Variants in NEK5 observed in about 807,000 individuals in gnomAD.
The protein encoded by NEK5 is serine/threonine-protein kinase Nek5.
NEK5 carries 88 observed loss-of-function variants against 109.2 expected under a neutral mutation model. The observed-to-expected ratio is 0.81, with a 90% CI of 0.68 to 0.96. The LOEUF is 0.96. Among genes scored for constraint, NEK5 ranks in the 40% least tolerant of loss-of-function variants. The pLI is 0.00. For missense variants in NEK5, 834 were observed against 920.7 expected (o/e 0.91, Z 1.22); for synonymous variants, 283 against 299.9 (o/e 0.94, Z 0.58).
Position 52,067,589 on chromosome 13 carries a change from T to G in NEK5, c.1850-1980A>C, listed in dbSNP as rs578039369. ...TTCCTTTCCTTTTTGGGGCATACTT[T>G]GGACTGTGAGCCAAGCCTCTGTGAA... On this transcript the variant is annotated intron_variant, in intron 20 of 23. Transcript: ENST00000684899. Among the ~76,000 whole-genome samples, 10 of 152,212 alleles carry G rather than the reference T, an allele frequency of 6.6e-5. No individual in the cohort carries two copies. In the South Asian group the frequency reaches 1.9e-3, roughly 28 times the overall value.
chr13:52,074,118 GA>G (rs367581982), intron 19 of NEK5, among the ~76,000 whole-genome samples: 7 of 146,970 alleles, frequency 4.8e-5, no homozygotes, highest in South Asian at 2.2e-4. Context: ...CAGGATTGGA[GA>G]AAAAAAAAAC....
At chr13:52,046,716 C>CG (rs1954462903) in intron 23 of NEK5, among the ~76,000 whole-genome samples, 4 of 150,626 alleles carry the variant, frequency 2.7e-5, no homozygotes, top group Admixed American at 2.6e-4. Context: ...GGGTGATAGA[C>CG]GGACACCCTG....
Position 52,036,056 on chromosome 13 carries a change from AAAATTAAG to A in NEK5, c.*884_*891del, listed in dbSNP as rs1954359111. ...AGTATGAAATTGAACTCACTAGGCT[AAAATTAAG>A]TTGTTGGCAGGGCTGTGTTCCTTCT... On this transcript the variant is annotated 3_prime_UTR_variant, in exon 24 of 24. Transcript: ENST00000684899. 3.3e-5 allele frequency: 5 copies of A among 152,322 alleles called. No homozygotes were observed. The South Asian group carries it at 1.0e-3, about 32-fold the overall frequency. 9.4% of individuals were successfully genotyped at this position (152,322 alleles called of 1,614,324 possible).
intron 3 of NEK5, among the ~76,000 whole-genome samples, chr13:52,124,779 T>C (rs1162227863): frequency 6.6e-6 from 1 of 152,210 alleles, no homozygotes; most frequent in African/African-American, 2.4e-5. Context: ...ATACAAACGT[T>C]TTCTATTTTT....
At chr13:52,093,331 G>A (rs1231185095) in intron 12 of NEK5, 96 bp from the exon 13 acceptor site, 28 of 835,998 alleles carry the variant, frequency 3.3e-5, no homozygotes, top group Non-Finnish European at 4.7e-5. Flanking sequence ...AGGCTGAGGC[G>A]GGTGGATCAC....
chr13:52,071,404 C>T, intron 20 of NEK5, among the ~76,000 whole-genome samples: 1 of 152,226 alleles, frequency 6.6e-6, no homozygotes, highest in East Asian at 1.9e-4. Context: ...AAACTTCCCT[C>T]TAGCCCCTGC....
chr13:52,044,932 G>A (rs1446123067), intron 23 of NEK5, among the ~76,000 whole-genome samples: 1 of 152,014 alleles, frequency 6.6e-6, no homozygotes, highest in Admixed American at 6.6e-5. Context: ...TGATTCTAAT[G>A]TCCATATGGA....
chr13:52,087,017 G>A lies in NEK5; in HGVS notation c.1392+321C>T, dbSNP rs180813199. Among the ~76,000 whole-genome samples the A allele has an allele frequency of 2.1e-3, 324 of 152,272 alleles. 2 individuals carry two copies. Among genetic ancestry groups the A allele is most frequent in the African/African-American group, 7.2e-3 (299 of 41,550 alleles). On this transcript the variant is annotated intron_variant, in intron 15 of 23. Coordinates refer to ENST00000684899, the MANE Select transcript of NEK5 (RefSeq NM_001365552.1). ...TTTCTATTTCCACTCTTCCAGAATTGTGAGACAATACATTTCTATTGTGTT... is the reference window on the plus strand; with the variant it reads ...TTTCTATTTCCACTCTTCCAGAATTATGAGACAATACATTTCTATTGTGTT...
At chr13:52,045,130 C>CTT (rs374051509) in intron 23 of NEK5, among the ~76,000 whole-genome samples, 2,936 of 108,708 alleles carry the variant, frequency 0.027, 195 homozygotes, top group Admixed American at 0.071. Flanking sequence ...AATAAAAAAT[C>CTT]TTTTTTTTTT....
intron 22 of NEK5, among the ~76,000 whole-genome samples, chr13:52,059,768 C>G: frequency 6.7e-6 from 1 of 148,598 alleles, no homozygotes; most frequent in South Asian, 2.1e-4. Flanking sequence ...AACACATGGA[C>G]ACAGGAAGGG....
intron 23 of NEK5, among the ~76,000 whole-genome samples, chr13:52,049,582 C>T (rs1954486615): frequency 6.6e-6 from 1 of 151,714 alleles, no homozygotes; most frequent in South Asian, 2.1e-4. Flanking sequence ...CAGGGGTGTC[C>T]AATCTTTTGG....
Position 52,071,945 on chromosome 13 carries a change from T to G in NEK5, c.1848A>C (p.Ala616=). 6.2e-7 allele frequency: 1 copy of G among 1,613,264 alleles called. No homozygotes were observed. The highest frequency in any genetic ancestry group is 8.5e-7 in the Non-Finnish European group (1 of 1,179,440). ...KAFEKLHCPE[A]GFSTQTVAAV... The stretch of plus-strand genomic sequence containing the variant: ...TTACAACTTTCAAGAAACACATACC[T>G]GCTTCTGGGCAGTGAAGTTTTTCAA... Residue 616 remains alanine (A), a splice_region_variant and synonymous_variant, in exon 20 of 24, where the codon GCA becomes GCC. Coordinates refer to ENST00000684899, the MANE Select transcript of NEK5 (RefSeq NM_001365552.1).
At chr13:52,056,443 G>A (rs1160350014) in intron 22 of NEK5, among the ~76,000 whole-genome samples, 26 of 150,064 alleles carry the variant, frequency 1.7e-4, no homozygotes, top group African/African-American at 3.9e-4. Flanking sequence ...TGCACCAAGC[G>A]GACCTAATAG....
chr13:52,068,220 G>A (rs373989775), intron 20 of NEK5, among the ~76,000 whole-genome samples: 58 of 152,066 alleles, frequency 3.8e-4, no homozygotes, highest in African/African-American at 1.3e-3. Context: ...TTAAATTTTC[G>A]GTCCAAACTC....
rs541123282 is a variant in NEK5 at position 52,121,903 on chromosome 13, G to C, written c.118-2488C>G. 2.7e-5 allele frequency among the ~76,000 whole-genome samples: 4 copies of C among 150,796 alleles called. No individual in the cohort carries two copies. The South Asian group carries it at 8.4e-4, about 32-fold the overall frequency. Reference sequence around the variant, plus strand: ...ATGTAATTATCTGAAAATAGAAAAAGAGTTAAATAAATTACAGGGGTGTTT... The same window carrying C: ...ATGTAATTATCTGAAAATAGAAAAACAGTTAAATAAATTACAGGGGTGTTT... On this transcript the variant is annotated intron_variant, in intron 3 of 23. Coordinates refer to ENST00000684899, the MANE Select transcript of NEK5 (RefSeq NM_001365552.1).
chr13:52,067,560 C>G (rs1954710011), intron 20 of NEK5, among the ~76,000 whole-genome samples: 1 of 152,152 alleles, frequency 6.6e-6, no homozygotes, highest in Non-Finnish European at 1.5e-5. Flanking sequence ...CCCCAGTGAG[C>G]ACATTCCTTT....
rs1211842415 is a variant in NEK5 at position 52,035,869 on chromosome 13, A to G, written c.*1079T>C. The stretch of plus-strand genomic sequence containing the variant: ...GTCAACATCAGCTTCAAAAAAGTGT[A>G]TTCAATGCAACAAGAAACTTCAAAA... On this transcript the variant is annotated 3_prime_UTR_variant, in exon 24 of 24. Transcript: ENST00000684899. 6.6e-6 allele frequency: 1 copy of G among 151,942 alleles called. No individual in the cohort carries two copies. Among genetic ancestry groups the G allele is most frequent in the Non-Finnish European group, 1.5e-5 (1 of 67,986 alleles). The allele number at this position is 151,942 out of a possible 1,614,324, so 9.4% of individuals were successfully genotyped here.
chr13:52,084,221 T>A (rs1955071437), intron 16 of NEK5, among the ~76,000 whole-genome samples: 1 of 152,014 alleles, frequency 6.6e-6, no homozygotes, highest in African/African-American at 2.4e-5. Context: ...GAAAGAATAG[T>A]GGTTATAATT....
At chr13:52,099,276 T>C (rs1409182997) in intron 12 of NEK5, among the ~76,000 whole-genome samples, 2 of 152,158 alleles carry the variant, frequency 1.3e-5, no homozygotes, top group Non-Finnish European at 2.9e-5. Context: ...CTTATGCTTG[T>C]AATACCAGCA....
Sources: gnomAD v4.1 joint callset for allele counts (sites outside exome capture counted in the v4.1 genomes callset) on GRCh38, gnomAD v4.1.1 for gene constraint, MANE v1.5 for transcripts, NCBI Gene and HGNC (gene_info 2026-07-23, HGNC 2026-07-21) for gene names.